The following RIMS2 variants were observed in gnomAD, a reference collection of about 807,000 sequenced individuals.
RIMS2 encodes the protein regulating synaptic membrane exocytosis 2.
Under a neutral mutation model 174.4 loss-of-function variants are expected in RIMS2, and 59 were observed. The ratio of observed to expected loss-of-function variants is 0.34; its 90% CI spans 0.27 to 0.42. RIMS2 has a LOEUF of 0.42. Among genes scored for constraint, RIMS2 ranks in the 10% least tolerant of loss-of-function variants. The pLI, the probability that RIMS2 is intolerant of heterozygous loss-of-function variation, is 1.00. For missense variants in RIMS2, 1,620 were observed against 1,666.3 expected (o/e 0.97, Z 0.48); for synonymous variants, 606 against 572.5 (o/e 1.06, Z -0.84).
chr8:103,553,379 A>T (rs1364947850), intron 1 of RIMS2, among the ~76,000 whole-genome samples: 1 of 151,122 alleles, frequency 6.6e-6, no homozygotes, highest in African/African-American at 2.4e-5. Context: ...TCTCACTCAT[A>T]GGTGGGAATT....
chr8:103,638,397 A>G (rs2096140968), intron 1 of RIMS2, among the ~76,000 whole-genome samples: 1 of 151,862 alleles, frequency 6.6e-6, no homozygotes, highest in African/African-American at 2.4e-5. Flanking sequence ...ATGACTTTCT[A>G]TTTTCTTCAT....
chr8:103,804,763 A>T (rs1464191069), intron 3 of RIMS2, among the ~76,000 whole-genome samples: 1 of 152,104 alleles, frequency 6.6e-6, no homozygotes, highest in African/African-American at 2.4e-5. Context: ...AGGAGTTTTT[A>T]AACTGTAGTT....
chr8:104,075,569 G>C (rs912426673), intron 19 of RIMS2, among the ~76,000 whole-genome samples: 8 of 152,156 alleles, frequency 5.3e-5, no homozygotes, highest in Admixed American at 1.3e-4. Flanking sequence ...GCCAGTGGCT[G>C]TACCTGGATT....
chr8:103,565,668 G>A (rs1213138656), intron 1 of RIMS2, among the ~76,000 whole-genome samples: 1 of 152,134 alleles, frequency 6.6e-6, no homozygotes, highest in Non-Finnish European at 1.5e-5. Context: ...ATGAGATGTA[G>A]AATTTTACTG....
chr8:103,899,349 G>C (rs2154523707), intron 4 of RIMS2, among the ~76,000 whole-genome samples: 1 of 151,862 alleles, frequency 6.6e-6, no homozygotes, highest in African/African-American at 2.4e-5. Context: ...CAGTGTAAAA[G>C]TGTCCCTATT....
chr8:104,057,768 T>C (rs996879896), intron 19 of RIMS2, among the ~76,000 whole-genome samples: 4 of 132,186 alleles, frequency 3.0e-5, no homozygotes, highest in Non-Finnish European at 6.3e-5. Flanking sequence ...CCTTCCTGTG[T>C]CCATGTGTTC....
At chr8:103,731,768 T>C (rs2097598709) in intron 2 of RIMS2, among the ~76,000 whole-genome samples, 2 of 152,320 alleles carry the variant, frequency 1.3e-5, no homozygotes, top group East Asian at 3.9e-4. Flanking sequence ...GTTGCATTTT[T>C]GAACTCCAGA....
chr8:103,829,086 G>GT (rs34072454), intron 3 of RIMS2, among the ~76,000 whole-genome samples: 41,402 of 134,292 alleles, frequency 0.31, 6,944 homozygotes, highest in East Asian at 0.71. Flanking sequence ...TTAATAATAG[G>GT]TTTTTTTTTT....
intron 1 of RIMS2, among the ~76,000 whole-genome samples, chr8:103,540,935 C>A: frequency 6.6e-6 from 1 of 151,382 alleles, no homozygotes. Flanking sequence ...TTGGTGAATT[C>A]AAAGACAAGT....
intron 19 of RIMS2, among the ~76,000 whole-genome samples, chr8:104,072,074 G>A (rs2097206227): frequency 6.6e-6 from 1 of 151,920 alleles, no homozygotes. Flanking sequence ...ACTTTTTAAG[G>A]GGTTCCAAAA....
At chr8:103,910,365 T>G (rs1359906840) in intron 5 of RIMS2, 1 of 1,599,056 alleles carries the variant, frequency 6.3e-7, no homozygotes, top group African/African-American at 1.3e-5. Context: ...GCAGGCAGTT[T>G]TGTCGGACTC....
chr8:103,725,706 T>C (rs1258272076), intron 2 of RIMS2, among the ~76,000 whole-genome samples: 1 of 152,216 alleles, frequency 6.6e-6, no homozygotes, highest in African/African-American at 2.4e-5. Flanking sequence ...TTTGTGGGCT[T>C]ATATGTTTCT....
chr8:104,038,548 A>G (rs1464049248), intron 19 of RIMS2, among the ~76,000 whole-genome samples: 2 of 151,954 alleles, frequency 1.3e-5, no homozygotes, highest in Non-Finnish European at 2.9e-5. Context: ...ACTAAAAAGT[A>G]GAATATTTGA....
rs554780154 is a variant in RIMS2 at position 103,844,325 on chromosome 8, G to A, written c.699-40973G>A. 2.0e-5 allele frequency among the ~76,000 whole-genome samples: 3 copies of A among 152,272 alleles called. No homozygotes were observed. In the East Asian group the frequency reaches 5.8e-4, roughly 29 times the overall value. On this transcript the variant is annotated intron_variant, in intron 3 of 23. Transcript: ENST00000504942. ...TGCTGTATTTTTAGTGTGCTTAGCA[G>A]CCTCTAGTCCCTTGTATTTTGAAAA...
intron 10 of RIMS2, among the ~76,000 whole-genome samples, chr8:103,924,811 A>AT (rs2078431593): frequency 2.0e-5 from 3 of 151,612 alleles, no homozygotes; most frequent in Admixed American, 2.0e-4. Flanking sequence ...AAGGCTGTTG[A>AT]TTTTTTTAAA....
intron 14 of RIMS2, among the ~76,000 whole-genome samples, chr8:103,953,463 A>G (rs1010011071): frequency 3.3e-5 from 5 of 152,208 alleles, no homozygotes; most frequent in Admixed American, 2.6e-4. Flanking sequence ...TCTTAAAGAA[A>G]GGATTTTTCA....
rs562539330 is a variant in RIMS2, at chr8:103,564,692, T to G, written c.176+63630T>G. The stretch of plus-strand genomic sequence containing the variant: ...GTTGGCCAGTCTAGTCCTTCCACGT[T>G]CTTCTGCCTGCTTTTATCCTAGCTG... On this transcript the variant is annotated intron_variant, in intron 1 of 23. Coordinates refer to ENST00000504942, the Ensembl canonical transcript of RIMS2. Among the ~76,000 whole-genome samples the G allele has an allele frequency of 4.6e-5, 7 of 152,326 alleles. No individual in the cohort carries two copies. The South Asian group carries it at 1.2e-3, about 27-fold the overall frequency.
At chr8:103,580,540 A>C (rs2093547604) in intron 1 of RIMS2, among the ~76,000 whole-genome samples, 1 of 152,094 alleles carries the variant, frequency 6.6e-6, no homozygotes, top group African/African-American at 2.4e-5. Flanking sequence ...ATAACACTGG[A>C]GCTCCCTAGT....
intron 1 of RIMS2, among the ~76,000 whole-genome samples, chr8:103,647,253 T>C (rs1334039081): frequency 6.6e-6 from 1 of 152,208 alleles, no homozygotes; most frequent in Non-Finnish European, 1.5e-5. Context: ...CATTTATGTT[T>C]GACAGTTTTT....
Sources: allele counts gnomAD v4.1 joint callset (sites outside exome capture counted in the v4.1 genomes callset), GRCh38; gene constraint gnomAD v4.1.1; transcripts MANE v1.5; gene names NCBI Gene and HGNC (gene_info 2026-07-23, HGNC 2026-07-21).